SAFB: variants seen among roughly 807,000 people sequenced by gnomAD.
SAFB encodes the protein scaffold attachment factor B, also known as scaffold attachment factor B1.
In SAFB, 15 loss-of-function variants were observed where a neutral mutation model predicts 101.6. The ratio of observed to expected loss-of-function variants is 0.15; its 90% CI spans 0.10 to 0.23. The LOEUF (loss-of-function observed/expected upper bound fraction) is 0.23. Ranked by LOEUF, SAFB falls within the 10% of genes least tolerant of loss-of-function variation. SAFB has a pLI of 1.00. For synonymous variants in SAFB, 449 were observed against 407.5 expected (o/e 1.10, Z -1.23); for missense variants, 930 against 1,104.1 (o/e 0.84, Z 2.23).
intron 2 of SAFB, among the ~76,000 whole-genome samples, chr19:5,631,625 A>G (rs1476860232): frequency 1.3e-5 from 2 of 152,214 alleles, no homozygotes; most frequent in African/African-American, 4.8e-5. Context: ...GGAGAAAATG[A>G]CATCCCTTTT....
chr19:5,631,826 A>C lies in SAFB; in HGVS notation c.274+5337A>C, dbSNP rs111545411. 4.3e-3 allele frequency among the ~76,000 whole-genome samples: 650 copies of C among 152,304 alleles called. 4 individuals carry two copies. Among genetic ancestry groups the C allele is most frequent in the Non-Finnish European group, 6.2e-3 (422 of 68,034 alleles). ...TTTGGGACACCGACGCGGAAGGATG[A>C]CTTGAGCCCAGGAGTTGGAGAGCAG... On this transcript the variant is annotated intron_variant, in intron 2 of 20. Coordinates refer to ENST00000588852, the MANE Select transcript of SAFB (RefSeq NM_001201338.2).
At chr19:5,650,282 G>T (rs2145449925) in intron 8 of SAFB, among the ~76,000 whole-genome samples, 1 of 152,298 alleles carries the variant, frequency 6.6e-6, no homozygotes. Context: ...CTTAATCAGT[G>T]TTCTAAAGGA....
intron 2 of SAFB, among the ~76,000 whole-genome samples, chr19:5,638,691 T>C: frequency 6.8e-6 from 1 of 146,438 alleles, no homozygotes; most frequent in South Asian, 2.1e-4. Context: ...TTTAGTTTCT[T>C]TTTTTTTATA....
At chr19:5,660,470 C>T (rs1342426824) in intron 14 of SAFB, among the ~76,000 whole-genome samples, 1 of 150,634 alleles carries the variant, frequency 6.6e-6, no homozygotes, top group East Asian at 2.0e-4. Context: ...GATCCTCCCA[C>T]CTCTGCCTCC....
Position 5,623,089 on chromosome 19 carries a change from G to C in SAFB, c.-117G>C, listed in dbSNP as rs1171754737. 2 of 1,094,700 alleles carry C rather than the reference G, an allele frequency of 1.8e-6. No homozygotes were observed. The highest frequency in any genetic ancestry group is 2.7e-5 in the Admixed American group (1 of 37,514). 67.8% of individuals were successfully genotyped at this position (1,094,700 alleles called of 1,614,324 possible). ...ACGCTTGGTGCGCCTGCGCAGAAGC[G>C]AGGCGCGCTGGGGCGACTGGAGCGG... On this transcript the variant is annotated 5_prime_UTR_variant, in exon 1 of 21. Coordinates refer to ENST00000588852, the MANE Select transcript of SAFB (RefSeq NM_001201338.2).
intron 15 of SAFB, among the ~76,000 whole-genome samples, chr19:5,663,240 A>G (rs2145491531): frequency 6.6e-6 from 1 of 152,166 alleles, no homozygotes; most frequent in South Asian, 2.1e-4. Flanking sequence ...ACCTCAGGTG[A>G]TCCACCCACC....
chr19:5,627,019 A>C (rs540122088), intron 2 of SAFB, among the ~76,000 whole-genome samples: 94 of 152,182 alleles, frequency 6.2e-4, no homozygotes, highest in Non-Finnish European at 8.8e-4. Flanking sequence ...ATCCCCACCA[A>C]AAAGAAATTA....
chr19:5,637,342 TCA>T (rs2053616589), intron 2 of SAFB, among the ~76,000 whole-genome samples: 1 of 121,046 alleles, frequency 8.3e-6, no homozygotes, highest in Non-Finnish European at 1.7e-5. Flanking sequence ...AGACTCCATC[TCA>T]AAAAAAAAAA....
chr19:5,667,649 C>T lies in SAFB; in HGVS notation c.2558-171C>T. 2 of 723,714 alleles carry T rather than the reference C, an allele frequency of 2.8e-6. No homozygotes were observed. Among genetic ancestry groups the T allele is most frequent in the East Asian group, 2.7e-5 (1 of 36,720 alleles). The allele number at this position is 723,714 out of a possible 1,614,324, so 44.8% of individuals were successfully genotyped here. ...GACAGTGGGCGTTCCCGAGTTCTCT[C>T]TGCTGGGAGGAAGCTGGACGTCTAT... is the stretch of plus-strand genomic sequence containing the variant. On this transcript the variant is annotated intron_variant, in intron 19 of 20. Coordinates refer to ENST00000588852, the MANE Select transcript of SAFB (RefSeq NM_001201338.2). The surrounding 1 kb of genome is among the most constrained non-coding windows in gnomAD (Gnocchi z 4.0).
At chr19:5,636,656 A>G (rs2053602101) in intron 2 of SAFB, among the ~76,000 whole-genome samples, 1 of 151,984 alleles carries the variant, frequency 6.6e-6, no homozygotes. Context: ...TCCCCCCAGG[A>G]TGTTACATAT....
At chr19:5,662,945 T>C (rs977742645) in intron 15 of SAFB, among the ~76,000 whole-genome samples, 1 of 149,298 alleles carries the variant, frequency 6.7e-6, no homozygotes, top group Admixed American at 6.7e-5. Context: ...CCCGGCCTTG[T>C]CCTGGCTTTT....
In SAFB at chr19:5,623,370, C is replaced by T. The variant is rs746988618; in HGVS notation, c.165C>T (p.Ser55=). 5.6e-6 allele frequency: 9 copies of T among 1,613,702 alleles called. No homozygotes were observed. The African/African-American group carries it at 9.3e-5, about 17-fold the overall frequency. ...KRNVDSSGNK[S]VLMERLKKAI... is the part of the protein sequence containing the mutation. ...ATGTGGACTCGAGCGGCAACAAGAG[C>T]GTTTTGATGGAGCGGCTGAAGAAGG... The change falls in exon 1 of 21, where the codon AGC becomes AGT. Residue 55 remains serine (S), a synonymous_variant. Coordinates refer to ENST00000588852, the MANE Select transcript of SAFB (RefSeq NM_001201338.2).
At position 5,626,518 on chromosome 19, in the gene SAFB, T is replaced by G. The variant is rs747581077; in HGVS notation, c.274+29T>G. ...TGGAGGATTTCATAAGCAAGTTTCA[T>G]GTTAAGTGCTTTCTTCAAAACGAAT... On this transcript the variant is annotated intron_variant, in intron 2 of 20. Transcript: ENST00000588852. 15 of 1,310,870 alleles carry G rather than the reference T, an allele frequency of 1.1e-5. No individual in the cohort carries two copies. The East Asian group carries it at 3.4e-4, about 30-fold the overall frequency. The allele number at this position is 1,310,870 out of a possible 1,614,324, so 81.2% of individuals were successfully genotyped here. A position where few individuals can be genotyped will look rare whatever the true frequency, so the allele number is the denominator to read the frequency against.
intron 11 of SAFB, among the ~76,000 whole-genome samples, chr19:5,653,677 C>G (rs1004335397): frequency 6.6e-6 from 1 of 152,028 alleles, no homozygotes; most frequent in Non-Finnish European, 1.5e-5. Context: ...ATTGGCCAGG[C>G]TGGTCTTGAA....
chr19:5,625,556 A>C (rs916749985), intron 1 of SAFB, among the ~76,000 whole-genome samples: 1 of 152,212 alleles, frequency 6.6e-6, no homozygotes, highest in Admixed American at 6.5e-5. Flanking sequence ...ACTTGTGCTC[A>C]TGGGACTGGA....
chr19:5,636,907 C>T (rs544402317), intron 2 of SAFB, among the ~76,000 whole-genome samples: 2 of 151,740 alleles, frequency 1.3e-5, no homozygotes, highest in South Asian at 4.2e-4. Flanking sequence ...CAGGGTCTCA[C>T]CGTGTTGACC....
At chr19:5,650,349 G>A (rs1001513502) in intron 8 of SAFB, among the ~76,000 whole-genome samples, 1 of 152,206 alleles carries the variant, frequency 6.6e-6, no homozygotes, top group African/African-American at 2.4e-5. Context: ...GTGCATTGTT[G>A]ACACCAAGGT....
chr19:5,642,651 CTTTTTTT>C (rs767488519), intron 4 of SAFB, among the ~76,000 whole-genome samples: 16 of 70,840 alleles, frequency 2.3e-4, no homozygotes, highest in South Asian at 1.1e-3. Context: ...CCCTTCCTTT[CTTTTTTT>C]TTTTTTTTTT....
rs766661025 is a variant in SAFB, at chr19:5,667,094, C to T, written c.2383C>T (p.Arg795Cys). ...ACCAGAGCGCCACGGCCGGGACTCCCGCGATGGCTGGGGGGGCTATGGCTC... is the reference window on the plus strand; with the variant it reads ...ACCAGAGCGCCACGGCCGGGACTCCTGCGATGGCTGGGGGGGCTATGGCTC... ...GGPERHGRDS[R>C]DGWGGYGSDK... The change falls in exon 18 of 21, where the codon CGC (arginine) becomes TGC (cysteine). Residue 795 changes from arginine to cysteine, a missense_variant. Physicochemically the swap from Arg to Cys is radical, Grantham distance 180. Coordinates refer to ENST00000588852, the MANE Select transcript of SAFB (RefSeq NM_001201338.2). The surrounding 1 kb of genome is among the most constrained non-coding windows in gnomAD (Gnocchi z 4.0). The T allele has an allele frequency of 3.7e-6, 6 of 1,612,640 alleles. No individual in the cohort carries two copies. Among genetic ancestry groups the T allele is most frequent in the Admixed American group, 3.3e-5 (2 of 60,016 alleles).
Sources: gnomAD v4.1 joint callset for allele counts (sites outside exome capture counted in the v4.1 genomes callset) on GRCh38, gnomAD v4.1.1 for gene constraint, Gnocchi (gnomAD v3.1) non-coding constraint, MANE v1.5 for transcripts, NCBI Gene and HGNC (gene_info 2026-07-23, HGNC 2026-07-21) for gene names.